The following DHRS7 variants were observed in gnomAD, a reference collection of about 807,000 sequenced individuals.
DHRS7 encodes the protein dehydrogenase/reductase SDR family member 7.
Under a neutral mutation model 38.9 loss-of-function variants are expected in DHRS7, and 34 were observed. The ratio of observed to expected loss-of-function variants is 0.87; its 90% CI spans 0.66 to 1.16. The LOEUF is 1.16. DHRS7 is among the 50% of genes most tolerant of loss of function. The probability of loss-of-function intolerance (pLI) is 0.00; values close to 1 mark genes in which losing one functional copy is unlikely to be tolerated. For missense variants in DHRS7, 421 were observed against 407.0 expected (o/e 1.03, Z -0.30); for synonymous variants, 158 against 153.1 (o/e 1.03, Z -0.24).
At chr14:60,149,187 G>T in intron 6 of DHRS7, 166 bp downstream of exon 6, 1 of 631,980 alleles carries the variant, frequency 1.6e-6, no homozygotes, top group Non-Finnish European at 2.8e-6. Context: ...TGGCCAGGTT[G>T]GTCTTGAACT....
At chr14:60,160,593 CG>C (rs140708744) in intron 1 of DHRS7, among the ~76,000 whole-genome samples, 7 of 140,712 alleles carry the variant, frequency 5.0e-5, no homozygotes, top group African/African-American at 1.1e-4. Flanking sequence ...GGCGGGGGGA[CG>C]GGGGGAGGGG....
intron 1 of DHRS7, among the ~76,000 whole-genome samples, chr14:60,163,208 T>A (rs1011845707): frequency 1.3e-5 from 2 of 152,116 alleles, no homozygotes; most frequent in Non-Finnish European, 2.9e-5. Context: ...TACTCCTTAG[T>A]TAATAAGCAT....
intron 1 of DHRS7, among the ~76,000 whole-genome samples, chr14:60,160,598 G>A (rs1331115876): frequency 6.6e-6 from 1 of 151,760 alleles, no homozygotes; most frequent in Admixed American, 6.6e-5. Context: ...GGGGACGGGG[G>A]GAGGGGACAA....
intron 5 of DHRS7, 136 bp downstream of exon 5, chr14:60,149,929 G>T (rs1566530232): frequency 3.5e-6 from 3 of 854,290 alleles, no homozygotes; most frequent in Admixed American, 2.8e-5. Flanking sequence ...TTTTCATAAT[G>T]GCAGGAGTTT....
Position 60,164,340 on chromosome 14 carries a change from A to G in DHRS7, c.133+837T>C, listed in dbSNP as rs1005740962. ...TTTGTAACATGCTTTGAGTATTTTT[A>G]TACCAGAAACTTGGTCCAGGGAAAC... On this transcript the variant is annotated intron_variant, in intron 1 of 6. Transcript: ENST00000557185. 1.0e-4 allele frequency among the ~76,000 whole-genome samples: 15 copies of G among 148,008 alleles called. 1 individual carries two copies. The highest frequency in any genetic ancestry group is 6.7e-4 in the Admixed American group (10 of 14,830).
rs1422576626 is a variant in DHRS7, at chr14:60,162,896, G to C, written c.133+2281C>G. Among the ~76,000 whole-genome samples the C allele has an allele frequency of 6.6e-6, 1 of 152,136 alleles. No individual in the cohort carries two copies. Among genetic ancestry groups the C allele is most frequent in the South Asian group, 2.1e-4 (1 of 4,834 alleles). Reference sequence around the variant, plus strand: ...TCTATAAAGTTTACTCCTGCCAGGCGCAGTGGCTAATGCCTGTAATCCCAA... The same window carrying C: ...TCTATAAAGTTTACTCCTGCCAGGCCCAGTGGCTAATGCCTGTAATCCCAA... On this transcript the variant is annotated intron_variant, in intron 1 of 6. Transcript: ENST00000557185. The surrounding 1 kb of genome is among the most constrained non-coding windows in gnomAD (Gnocchi z 4.5).
chr14:60,166,013 G>T (rs1273376017), upstream of DHRS7, among the ~76,000 whole-genome samples: 1 of 152,162 alleles, frequency 6.6e-6, no homozygotes, highest in Non-Finnish European at 1.5e-5. Flanking sequence ...GCCTAGGTTG[G>T]TACCAAATCC....
Position 60,149,395 on chromosome 14 carries a change from G to T in DHRS7, c.930C>A (p.Asn310Lys). The T allele has an allele frequency of 6.2e-7, 1 of 1,614,090 alleles. No individual in the cohort carries two copies. The highest frequency in any genetic ancestry group is 8.5e-7 in the Non-Finnish European group (1 of 1,180,008). ...TCTCAATCCTTTTCTTCCCCATCTT[G>T]TTGGTTATCCACCAGGCCCAGGTTG... The part of the protein sequence containing the change: ...YMPTWAWWIT[N>K]KMGKKRIENF... The change falls in exon 6 of 7, where the codon AAC (asparagine) becomes AAA (lysine). Residue 310 changes from asparagine to lysine, a missense_variant. Asn to Lys is a moderately conservative substitution (Grantham distance 94). Coordinates refer to ENST00000557185, the MANE Select transcript of DHRS7 (RefSeq NM_016029.4).
At chr14:60,167,319 G>A (rs1294362967), upstream of DHRS7, among the ~76,000 whole-genome samples, 1 of 152,206 alleles carries the variant, frequency 6.6e-6, no homozygotes, top group Admixed American at 6.5e-5. Flanking sequence ...GGAAGTTAAT[G>A]TTAAAATGAG....
rs1896838971 is a variant in DHRS7 at position 60,165,034 on chromosome 14, C to T, written c.133+143G>A. On this transcript the variant is annotated intron_variant, in intron 1 of 6. Coordinates refer to ENST00000557185, the MANE Select transcript of DHRS7 (RefSeq NM_016029.4). This position sits in a 1 kb window ranked among gnomAD's most constrained non-coding sequence, Gnocchi z 4.6. The stretch of plus-strand genomic sequence containing the variant: ...CTTCCTCCCCAACCCGCAGCCCCTG[C>T]GTAAGGGGCAGCCGGGCCTTCGGGA... 4 of 1,054,900 alleles carry T rather than the reference C, an allele frequency of 3.8e-6. No homozygotes were observed. The highest frequency in any genetic ancestry group is 3.0e-5 in the South Asian group (2 of 67,004). The allele number at this position is 1,054,900 out of a possible 1,614,324, so 65.3% of individuals were successfully genotyped here.
Position 60,159,952 on chromosome 14 carries a change from AAAC to A in DHRS7, c.134-3803_134-3801del, listed in dbSNP as rs1896730509. ...TGCTGGTTTCTCTTTAATCAATTGA[AAAC>A]AAAAAGAGACTATAAAAATGAAGAT... is the stretch of plus-strand genomic sequence containing the variant. On this transcript the variant is annotated intron_variant, in intron 1 of 6. Coordinates refer to ENST00000557185, the MANE Select transcript of DHRS7 (RefSeq NM_016029.4). Among the ~76,000 whole-genome samples, 3 of 152,234 alleles carry A rather than the reference AAAC, an allele frequency of 2.0e-5. No individual in the cohort carries two copies. In the South Asian group the frequency reaches 6.2e-4, roughly 31 times the overall value.
In DHRS7 at chr14:60,149,527, G is replaced by C; in HGVS notation, c.798C>G (p.Thr266=). Residue 266 remains threonine, a synonymous_variant, in exon 6 of 7, where the codon ACC becomes ACG. Transcript: ENST00000557185. ...NNGDQSHKMT[T]SRCVRLMLIS... The stretch of plus-strand genomic sequence containing the variant: ...TTAACATCAGCCGCACACAACGACT[G>C]GTTGTCATCTTGTGGGACTGGTCTC... 6.2e-7 allele frequency: 1 copy of C among 1,613,824 alleles called. No individual in the cohort carries two copies. The highest frequency in any genetic ancestry group is 8.5e-7 in the Non-Finnish European group (1 of 1,179,810).
In DHRS7 at chr14:60,165,119, C is replaced by G; in HGVS notation, c.133+58G>C. ...TGCAGAACCCCCGGAGACCCGGACA[C>G]GCCTCGGCAGCTCCGAGCCCGGCCT... On this transcript the variant is annotated intron_variant, in intron 1 of 6. Coordinates refer to ENST00000557185, the MANE Select transcript of DHRS7 (RefSeq NM_016029.4). This position sits in a 1 kb window ranked among gnomAD's most constrained non-coding sequence, Gnocchi z 4.6. 4 of 1,595,946 alleles carry G rather than the reference C, an allele frequency of 2.5e-6. No homozygotes were observed. The highest frequency in any genetic ancestry group is 1.7e-5 in the Admixed American group (1 of 58,472).
chr14:60,162,378 TAA>T lies in DHRS7; in HGVS notation c.133+2797_133+2798del, dbSNP rs201218193. On this transcript the variant is annotated intron_variant, in intron 1 of 6. Transcript: ENST00000557185. This position sits in a 1 kb window ranked among gnomAD's most constrained non-coding sequence, Gnocchi z 4.5. ...ACAAAGCAAGACCTTGTCTCTCTAT[TAA>T]AAAAAAAAAAAAATCACCATGTGAG... Among the ~76,000 whole-genome samples the T allele has an allele frequency of 7.2e-5, 10 of 139,150 alleles. No individual in the cohort carries two copies. The highest frequency in any genetic ancestry group is 1.1e-4 in the African/African-American group (4 of 37,734). 91.3% of individuals were successfully genotyped at this position (139,150 alleles called of 152,430 possible).
intron 4 of DHRS7, among the ~76,000 whole-genome samples, chr14:60,151,749 A>T (rs1427726079): frequency 6.6e-6 from 1 of 152,230 alleles, no homozygotes; most frequent in Non-Finnish European, 1.5e-5. Context: ...TGAGAAGGAA[A>T]TGTGCTCTTC....
rs1350193589 is a variant in DHRS7 at position 60,148,754 on chromosome 14, G to A, written c.972+599C>T. 6.6e-6 allele frequency among the ~76,000 whole-genome samples: 1 copy of A among 152,010 alleles called. No individual in the cohort carries two copies. Among genetic ancestry groups the A allele is most frequent in the Non-Finnish European group, 1.5e-5 (1 of 68,028 alleles). On this transcript the variant is annotated intron_variant, in intron 6 of 6. Transcript: ENST00000557185. This position sits in a 1 kb window ranked among gnomAD's most constrained non-coding sequence, Gnocchi z 4.8. ...GTTGAGACTGGTAGGATGGGTAGGA[G>A]TTGGTGGGGAGAAACAGTAGGGAAA...
chr14:60,166,108 T>C, upstream of DHRS7: 1 of 517,012 alleles, frequency 1.9e-6, no homozygotes, highest in Non-Finnish European at 2.5e-6. Flanking sequence ...AGGTCTTGCC[T>C]ACTCTAATAC....
intron 2 of DHRS7, among the ~76,000 whole-genome samples, chr14:60,154,487 T>G (rs1896617234): frequency 6.6e-6 from 1 of 152,052 alleles, no homozygotes; most frequent in African/African-American, 2.4e-5. Context: ...TACAGTCAAA[T>G]GACATATAGA....
chr14:60,147,066 C>T (rs900493544), intron 6 of DHRS7: 1 of 152,126 alleles, frequency 6.6e-6, no homozygotes, highest in South Asian at 2.1e-4. Context: ...AAACCCGTCT[C>T]TACAAAAACT....
Sources: gnomAD v4.1 joint callset for allele counts (sites outside exome capture counted in the v4.1 genomes callset) on GRCh38, gnomAD v4.1.1 for gene constraint, Gnocchi (gnomAD v3.1) non-coding constraint, MANE v1.5 for transcripts, NCBI Gene and HGNC (gene_info 2026-07-23, HGNC 2026-07-21) for gene names.